The following MYOF variants were observed in gnomAD, a reference collection of about 807,000 sequenced individuals.
MYOF encodes the protein fer-1-like 3, myoferlin.
In MYOF, 244 loss-of-function variants were observed where a neutral mutation model predicts 284.2. The observed-to-expected ratio is 0.86, with a 90% CI of 0.77 to 0.95. The LOEUF (loss-of-function observed/expected upper bound fraction) is 0.95. MYOF is among the 40% of genes least tolerant of loss of function. The pLI, the probability that MYOF is intolerant of heterozygous loss-of-function variation, is 0.00. For missense variants in MYOF, 2,496 were observed against 2,560.6 expected (o/e 0.97, Z 0.54); for synonymous variants, 904 against 919.7 (o/e 0.98, Z 0.31).
chr10:93,421,673 C>T (rs1341566547), intron 5 of MYOF, among the ~76,000 whole-genome samples: 2 of 152,144 alleles, frequency 1.3e-5, no homozygotes, highest in East Asian at 1.9e-4. Flanking sequence ...TCTCATTTTC[C>T]TCCTCTCTGA....
chr10:93,396,609 C>T (rs965413969), intron 15 of MYOF, among the ~76,000 whole-genome samples: 8 of 152,192 alleles, frequency 5.3e-5, no homozygotes, highest in Non-Finnish European at 1.0e-4. Flanking sequence ...CCTATGGCTA[C>T]ACTCAATACC....
At chr10:93,314,133 G>C (rs2133724833) in intron 50 of MYOF, among the ~76,000 whole-genome samples, 1 of 152,260 alleles carries the variant, frequency 6.6e-6, no homozygotes, top group Middle Eastern at 3.4e-3. Flanking sequence ...CTATAACCCA[G>C]GCTGGAGTAC....
intron 19 of MYOF, among the ~76,000 whole-genome samples, chr10:93,383,560 G>A (rs148816292): frequency 2.2e-4 from 34 of 152,254 alleles, no homozygotes; most frequent in Admixed American, 1.3e-3. Context: ...TACCCACAGC[G>A]AAGCCCCCTG....
intron 45 of MYOF, among the ~76,000 whole-genome samples, chr10:93,327,445 C>CG (rs1843100662): frequency 6.6e-6 from 1 of 152,084 alleles, no homozygotes; most frequent in African/African-American, 2.4e-5. Flanking sequence ...TGGCCAGCCT[C>CG]GGCCAGAACT....
chr10:93,409,763 G>T, intron 5 of MYOF, 24 bp from the exon 6 acceptor site: 1 of 1,613,710 alleles, frequency 6.2e-7, no homozygotes, highest in Non-Finnish European at 8.5e-7. Flanking sequence ...AAGAAACCCA[G>T]TGAGGGATAG....
intron 48 of MYOF, among the ~76,000 whole-genome samples, chr10:93,321,804 T>C (rs1842853202): frequency 6.6e-6 from 1 of 152,214 alleles, no homozygotes; most frequent in African/African-American, 2.4e-5. Context: ...CATGTATGTA[T>C]ATGTATAGCT....
intron 4 of MYOF, among the ~76,000 whole-genome samples, chr10:93,430,896 C>T (rs1399986825): frequency 1.3e-5 from 2 of 152,130 alleles, no homozygotes; most frequent in African/African-American, 2.4e-5. Flanking sequence ...TGAGAAAGAT[C>T]ACCAGAAAAA....
intron 19 of MYOF, among the ~76,000 whole-genome samples, chr10:93,386,286 T>G (rs554467924): frequency 6.6e-6 from 1 of 152,314 alleles, no homozygotes; most frequent in South Asian, 2.1e-4. Flanking sequence ...TCTCCCGCCC[T>G]CTTTTTTCCT....
At chr10:93,476,490 A>C (rs150326248) in intron 1 of MYOF, among the ~76,000 whole-genome samples, 13 of 151,842 alleles carry the variant, frequency 8.6e-5, no homozygotes, top group African/African-American at 3.1e-4. Flanking sequence ...CTTAAGTGGA[A>C]TCGCATAGCT....
At chr10:93,446,599 G>T (rs1160169045) in intron 3 of MYOF, among the ~76,000 whole-genome samples, 3 of 151,966 alleles carry the variant, frequency 2.0e-5, no homozygotes, top group Admixed American at 1.3e-4. Context: ...AATGTCAGGG[G>T]GATGGAAGAT....
chr10:93,381,318 T>C lies in MYOF; in HGVS notation c.1777A>G (p.Ile593Val), dbSNP rs906786201. 14 of 1,614,234 alleles carry C rather than the reference T, an allele frequency of 8.7e-6. No homozygotes were observed. Among genetic ancestry groups the C allele is most frequent in the African/African-American group, 1.3e-5 (1 of 75,054 alleles). ...ATMLQDVGEA[I>V]QFEVSIGNYG... ...TTCCCAATGCTGACTTCAAACTGAATGGCCTCACCAACATCTTGCAACATG... is the reference window on the plus strand; with the variant it reads ...TTCCCAATGCTGACTTCAAACTGAACGGCCTCACCAACATCTTGCAACATG... The change falls in exon 20 of 54, where the codon ATT (isoleucine) becomes GTT (valine). Residue 593 changes from isoleucine to valine, a missense_variant. Around this residue, in one of 3 missense-constraint regions of MYOF, gnomAD observed 2,436 missense variants for 2,480.7 expected, o/e 0.98. Coordinates refer to ENST00000359263, the MANE Select transcript of MYOF (RefSeq NM_013451.4).
chr10:93,307,676 G>C (rs1036816764), intron 53 of MYOF, among the ~76,000 whole-genome samples: 22 of 150,462 alleles, frequency 1.5e-4, no homozygotes, highest in Non-Finnish European at 3.2e-4. Flanking sequence ...CCAGGGTGGA[G>C]TGCAGTGGCG....
rs566344991 is a variant in MYOF, at chr10:93,428,413, C to A, written c.346-2255G>T. Among the ~76,000 whole-genome samples the A allele has an allele frequency of 1.3e-4, 19 of 151,820 alleles. No homozygotes were observed. The South Asian group carries it at 4.0e-3, about 32-fold the overall frequency. Reference sequence around the variant, plus strand: ...TAGAGACGGGGTTTCACCATGTTGGCCAGGCTGGTCTCAAACTCCTGACCT... The same window carrying A: ...TAGAGACGGGGTTTCACCATGTTGGACAGGCTGGTCTCAAACTCCTGACCT... On this transcript the variant is annotated intron_variant, in intron 4 of 53. Coordinates refer to ENST00000359263, the MANE Select transcript of MYOF (RefSeq NM_013451.4).
At chr10:93,340,226 G>A in intron 38 of MYOF, 62 bp from the exon 39 acceptor site, 1 of 1,573,770 alleles carries the variant, frequency 6.4e-7, no homozygotes, top group Non-Finnish European at 8.7e-7. Context: ...CATAGATATG[G>A]AGACCCCAGG....
intron 23 of MYOF, 82 bp downstream of exon 23, chr10:93,374,681 T>C: frequency 7.1e-7 from 1 of 1,408,612 alleles, no homozygotes; most frequent in African/African-American, 1.4e-5. Flanking sequence ...GTAGATTCTC[T>C]TTCCACCATC....
intron 5 of MYOF, among the ~76,000 whole-genome samples, chr10:93,411,538 G>A (rs1276600951): frequency 6.6e-6 from 1 of 152,196 alleles, no homozygotes. Flanking sequence ...GCAATTGGAA[G>A]GGGCTTCTTC....
chr10:93,409,615 C>A lies in MYOF; in HGVS notation c.558G>T (p.Lys186Asn). 1 of 1,614,194 alleles carries A rather than the reference C, an allele frequency of 6.2e-7. No individual in the cohort carries two copies. The highest frequency in any genetic ancestry group is 1.1e-5 in the South Asian group (1 of 91,082). ...AQLARRLTKV[K>N]NSRRMLSNKP... Reference sequence around the variant, plus strand: ...TATTTGACAGCATCCGCCGGCTGTTCTTTACTTTGGTGAGCCTCCGAGCAA... The same window carrying A: ...TATTTGACAGCATCCGCCGGCTGTTATTTACTTTGGTGAGCCTCCGAGCAA... Residue 186 changes from lysine (K) to asparagine (N), a missense_variant, in exon 6 of 54, where the codon AAG (lysine) becomes AAT (asparagine). Lys to Asn is a moderately conservative substitution (Grantham distance 94, BLOSUM62 0). This residue lies in a region of MYOF where 2,436 missense variants were observed against 2,480.7 expected (regional missense o/e 0.98). Transcript: ENST00000359263.
At chr10:93,392,555 G>C (rs562905545) in intron 17 of MYOF, among the ~76,000 whole-genome samples, 1 of 152,236 alleles carries the variant, frequency 6.6e-6, no homozygotes, top group Admixed American at 6.5e-5. Context: ...GTTGAAATTG[G>C]GGGAAAGTTA....
chr10:93,437,384 T>C (rs759908691), intron 3 of MYOF, among the ~76,000 whole-genome samples: 1 of 151,874 alleles, frequency 6.6e-6, no homozygotes, highest in African/African-American at 2.4e-5. Context: ...GCCTCTGGAG[T>C]GAGTAAGGGC....
Sources: gnomAD v4.1 joint callset for allele counts (sites outside exome capture counted in the v4.1 genomes callset) on GRCh38, gnomAD v4.1.1 for gene constraint, gnomAD v4.1.1 regional missense constraint, MANE v1.5 for transcripts, NCBI Gene and HGNC (gene_info 2026-07-23, HGNC 2026-07-21) for gene names.